NUDCD1: variants seen among roughly 807,000 people sequenced by gnomAD.
NUDCD1 encodes NudC domain containing 1.
A neutral mutation model predicts 67.8 loss-of-function variants in NUDCD1; 60 were observed. The observed-to-expected ratio is 0.88, with a 90% CI of 0.72 to 1.10. The LOEUF (loss-of-function observed/expected upper bound fraction) is 1.10. NUDCD1 is among the 50% of genes least tolerant of loss of function. NUDCD1 has a pLI of 0.00. For missense variants in NUDCD1, 643 were observed against 695.0 expected, an observed-to-expected ratio of 0.93 and a Z score of 0.84; for synonymous variants, 244 against 230.8, an observed-to-expected ratio of 1.06 and a Z score of -0.52.
intron 2 of NUDCD1, among the ~76,000 whole-genome samples, chr8:109,321,669 T>C (rs1453125846): frequency 9.2e-5 from 14 of 152,022 alleles, no homozygotes; most frequent in Non-Finnish European, 1.5e-5. Flanking sequence ...AGTATAAATG[T>C]AAGCCCTCCA....
chr8:109,293,553 AGT>A, intron 3 of NUDCD1, 29 bp from the exon 4 acceptor site: 1 of 1,297,428 alleles, frequency 7.7e-7, no homozygotes, highest in South Asian at 1.5e-5. Context: ...CACACAAAAA[AGT>A]GTACATAATT....
intron 8 of NUDCD1, among the ~76,000 whole-genome samples, chr8:109,263,075 A>AAAAAC (rs1554611985): frequency 3.3e-5 from 5 of 150,102 alleles, no homozygotes; most frequent in Admixed American, 6.6e-5. Context: ...AAAAAAAAAA[A>AAAAAC]AAAACCCTGA....
intron 3 of NUDCD1, among the ~76,000 whole-genome samples, chr8:109,294,643 C>T (rs1164926234): frequency 6.6e-6 from 1 of 151,862 alleles, no homozygotes; most frequent in Non-Finnish European, 1.5e-5. Context: ...GAGTAGATGG[C>T]GTACTTTTAA....
At chr8:109,297,250 AC>A (rs1362909973) in intron 2 of NUDCD1, among the ~76,000 whole-genome samples, 1 of 152,220 alleles carries the variant, frequency 6.6e-6, no homozygotes, top group Non-Finnish European at 1.5e-5. Context: ...CAAAATGCCT[AC>A]AGAGACACCA....
intron 3 of NUDCD1, 85 bp downstream of exon 3, chr8:109,296,299 C>A: frequency 9.3e-7 from 1 of 1,071,404 alleles, no homozygotes; most frequent in Non-Finnish European, 1.4e-6. Flanking sequence ...TGTAAACCAT[C>A]CTTGAAAAGT....
intron 1 of NUDCD1, among the ~76,000 whole-genome samples, chr8:109,322,868 T>A (rs1466838169): frequency 1.3e-5 from 2 of 152,240 alleles, no homozygotes; most frequent in African/African-American, 4.8e-5. Flanking sequence ...TACTATTATC[T>A]CATTCATTTT....
intron 1 of NUDCD1, among the ~76,000 whole-genome samples, chr8:109,324,861 C>A (rs940065428): frequency 1.3e-5 from 2 of 152,090 alleles, no homozygotes; most frequent in Admixed American, 1.3e-4. Context: ...CCAAGGCGGG[C>A]GGATCACGAG....
At chr8:109,316,981 C>T (rs1815415321) in intron 2 of NUDCD1, among the ~76,000 whole-genome samples, 1 of 152,034 alleles carries the variant, frequency 6.6e-6, no homozygotes, top group African/African-American at 2.4e-5. Context: ...AAACTAATAC[C>T]TTTCCTAAAG....
intron 1 of NUDCD1, among the ~76,000 whole-genome samples, chr8:109,323,298 C>T (rs16879309): frequency 0.045 from 6,840 of 152,208 alleles, 518 homozygotes; most frequent in African/African-American, 0.15. Flanking sequence ...CAAATGCTCA[C>T]CTGTTCCCAC....
At chr8:109,297,556 G>A (rs1015966129) in intron 2 of NUDCD1, among the ~76,000 whole-genome samples, 5 of 152,136 alleles carry the variant, frequency 3.3e-5, no homozygotes, top group African/African-American at 4.8e-5. Context: ...ATGTGAGGAC[G>A]TATTATGCCT....
At chr8:109,256,525 C>T (rs1813743127) in intron 8 of NUDCD1, among the ~76,000 whole-genome samples, 1 of 152,040 alleles carries the variant, frequency 6.6e-6, no homozygotes, top group East Asian at 1.9e-4. Context: ...ATGGTAAGGA[C>T]ACTGAAAATT....
chr8:109,267,976 C>T (rs1021013199), intron 8 of NUDCD1, among the ~76,000 whole-genome samples: 9 of 152,090 alleles, frequency 5.9e-5, no homozygotes, highest in African/African-American at 2.2e-4. Flanking sequence ...ACTGGCAGCC[C>T]GAGAGATCTA....
chr8:109,330,366 C>T (rs1366469410), intron 1 of NUDCD1, among the ~76,000 whole-genome samples: 4 of 152,190 alleles, frequency 2.6e-5, no homozygotes, highest in Non-Finnish European at 5.9e-5. Context: ...TGCAGTGTTT[C>T]AGGTAGCCAA....
intron 2 of NUDCD1, among the ~76,000 whole-genome samples, chr8:109,308,339 G>C (rs557567252): frequency 4.6e-5 from 7 of 152,254 alleles, no homozygotes; most frequent in Non-Finnish European, 8.8e-5. Context: ...GTACTAAGTG[G>C]AAAGTTCATA....
chr8:109,290,321 A>T (rs1319355178), intron 4 of NUDCD1, among the ~76,000 whole-genome samples: 2 of 152,130 alleles, frequency 1.3e-5, no homozygotes, highest in African/African-American at 2.4e-5. Flanking sequence ...ATCTTGGAGA[A>T]ATCTCTTATT....
intron 8 of NUDCD1, among the ~76,000 whole-genome samples, chr8:109,264,024 TTGAGTA>T (rs1813931143): frequency 6.6e-6 from 1 of 152,028 alleles, no homozygotes; most frequent in African/African-American, 2.4e-5. Flanking sequence ...ATCTTGACTC[TTGAGTA>T]TATGTCTTTT....
chr8:109,248,785 G>C (rs1813558571), intron 8 of NUDCD1, among the ~76,000 whole-genome samples: 1 of 150,596 alleles, frequency 6.6e-6, no homozygotes, highest in African/African-American at 2.4e-5. Flanking sequence ...CCTGACCCCA[G>C]CATACTTTTC....
At chr8:109,249,033 TAG>T (rs199621037) in intron 8 of NUDCD1, among the ~76,000 whole-genome samples, 5,013 of 152,282 alleles carry the variant, frequency 0.033, 106 homozygotes, top group Middle Eastern at 0.11. Flanking sequence ...ACTTTTCCTA[TAG>T]AGTTTGTCTC....
chr8:109,253,866 A>G (rs1813673233), intron 8 of NUDCD1, among the ~76,000 whole-genome samples: 1 of 152,216 alleles, frequency 6.6e-6, no homozygotes. Flanking sequence ...ATATATGAAT[A>G]ACAAAAGGAT....
Sources: gnomAD v4.1 joint callset for allele counts (sites outside exome capture counted in the v4.1 genomes callset) on GRCh38, gnomAD v4.1.1 for gene constraint, MANE v1.5 for transcripts, NCBI Gene and HGNC (gene_info 2026-07-23, HGNC 2026-07-21) for gene names.